Variants in TRAF6 observed in about 807,000 individuals in gnomAD.
TRAF6 encodes TNF receptor-associated factor 6.
In TRAF6, 10 loss-of-function variants were observed where a neutral mutation model predicts 48.4. The observed-to-expected ratio is 0.21, with a 90% CI of 0.13 to 0.35. The LOEUF (loss-of-function observed/expected upper bound fraction) is 0.35, where lower values mean the gene tolerates loss of function less well. TRAF6 is among the 10% of genes least tolerant of loss of function. TRAF6 has a pLI of 1.00. For synonymous variants in TRAF6, 186 were observed against 219.6 expected, an observed-to-expected ratio of 0.85 and a Z score of 1.35; for missense variants, 397 against 661.0, an observed-to-expected ratio of 0.60 and a Z score of 4.38.
chr11:36,507,659 ACACACGCGCG>A lies in TRAF6; in HGVS notation c.-23+2379_-23+2388del, dbSNP rs1859818782. ...CACGCGCGTGTATATATGTATACAT[ACACACGCGCG>A]TGTATATATGTATACATACACGAGC... On this transcript the variant is annotated intron_variant, in intron 1 of 6. Coordinates refer to ENST00000526995, the MANE Select transcript of TRAF6 (RefSeq NM_004620.4). Among the ~76,000 whole-genome samples, 2 of 1,930 alleles carry A rather than the reference ACACACGCGCG, an allele frequency of 1.0e-3. 1 individual carries two copies. Among genetic ancestry groups the A allele is most frequent in the Non-Finnish European group, 9.0e-3 (2 of 222 alleles). 1.3% of individuals were successfully genotyped at this position (1,930 alleles called of 152,430 possible).
Position 36,485,315 on chromosome 11 carries a change from G to A in TRAF6, c.*4523C>T, listed in dbSNP as rs528986057. ...GCTTTCAATAAATGTTCATTATTAC[G>A]TATTTGAGTGTGTGCAACGTGCCAG... On this transcript the variant is annotated 3_prime_UTR_variant, in exon 7 of 7. Transcript: ENST00000526995. Among the ~76,000 whole-genome samples, 1 of 152,226 alleles carries A rather than the reference G, an allele frequency of 6.6e-6. No homozygotes were observed. The highest frequency in any genetic ancestry group is 1.5e-5 in the Non-Finnish European group (1 of 68,022).
chr11:36,499,377 G>A (rs1354409413), intron 2 of TRAF6, among the ~76,000 whole-genome samples: 1 of 151,966 alleles, frequency 6.6e-6, no homozygotes, highest in Non-Finnish European at 1.5e-5. Context: ...GAACACTGGG[G>A]CTAAGTGTTC....
chr11:36,496,999 G>C (rs902276140), intron 4 of TRAF6, 109 bp downstream of exon 4: 2 of 1,148,422 alleles, frequency 1.7e-6, no homozygotes, highest in African/African-American at 3.2e-5. Context: ...TGATAATGTA[G>C]ACTCAGAGTC....
intron 5 of TRAF6, among the ~76,000 whole-genome samples, chr11:36,494,630 A>AATAT (rs5030467): frequency 2.1e-4 from 31 of 150,166 alleles, no homozygotes; most frequent in Middle Eastern, 6.8e-3. Context: ...ACAGTGTGTA[A>AATAT]ATATATATAT....
In TRAF6 at chr11:36,489,138, G is replaced by C. The variant is rs1331347492; in HGVS notation, c.*700C>G. On this transcript the variant is annotated 3_prime_UTR_variant, in exon 7 of 7. Transcript: ENST00000526995. ...TAAACTCTGGGGAAGATGCTACTTCGTAACCTCAAGGAAATAAGTAAGCAA... is the reference window on the plus strand; with the variant it reads ...TAAACTCTGGGGAAGATGCTACTTCCTAACCTCAAGGAAATAAGTAAGCAA... 1 of 152,364 alleles carries C rather than the reference G, an allele frequency of 6.6e-6. No individual in the cohort carries two copies. Among genetic ancestry groups the C allele is most frequent in the Non-Finnish European group, 1.5e-5 (1 of 68,068 alleles). 9.4% of individuals were successfully genotyped at this position (152,364 alleles called of 1,614,324 possible). A position where few individuals can be genotyped will look rare whatever the true frequency, so the allele number is the denominator to read the frequency against.
intron 1 of TRAF6, among the ~76,000 whole-genome samples, chr11:36,503,187 A>G (rs962646994): frequency 1.4e-4 from 21 of 152,224 alleles, no homozygotes; most frequent in African/African-American, 4.8e-4. Context: ...TTATTACACT[A>G]AAGTGCTGGC....
intron 1 of TRAF6, among the ~76,000 whole-genome samples, chr11:36,504,424 C>G (rs571501076): frequency 6.6e-6 from 1 of 152,302 alleles, no homozygotes; most frequent in South Asian, 2.1e-4. Flanking sequence ...GTTTGCTCAT[C>G]CATAAGAAGC....
chr11:36,505,337 T>A (rs1187078610), intron 1 of TRAF6, among the ~76,000 whole-genome samples: 1 of 152,250 alleles, frequency 6.6e-6, no homozygotes, highest in African/African-American at 2.4e-5. Flanking sequence ...GCTGTAGTTT[T>A]ACATCAACAC....
chr11:36,492,159 A>G (rs138151169), intron 6 of TRAF6, among the ~76,000 whole-genome samples: 44 of 152,210 alleles, frequency 2.9e-4, no homozygotes, highest in African/African-American at 9.6e-4. Flanking sequence ...TCACTTAGGT[A>G]TTCCAACAGC....
rs769883333 is a variant in TRAF6, at chr11:36,489,794, C to T, written c.*44G>A. ...TTATTGAGAACAGGGCAAGGAAAGG[C>T]ACTGTTTTCTCCAGGTAGTTGTTTT... On this transcript the variant is annotated 3_prime_UTR_variant, in exon 7 of 7. Coordinates refer to ENST00000526995, the MANE Select transcript of TRAF6 (RefSeq NM_004620.4). The T allele has an allele frequency of 5.8e-6, 9 of 1,563,290 alleles. No homozygotes were observed. In the South Asian group the frequency reaches 1.1e-4, roughly 19 times the overall value.
At chr11:36,505,891 C>A (rs1859778030) in intron 1 of TRAF6, among the ~76,000 whole-genome samples, 1 of 152,064 alleles carries the variant, frequency 6.6e-6, no homozygotes, top group African/African-American at 2.4e-5. Context: ...GTGGAGCAGT[C>A]AGAGCTCTCA....
intron 1 of TRAF6, among the ~76,000 whole-genome samples, chr11:36,502,089 G>T (rs1361806739): frequency 6.6e-6 from 1 of 152,204 alleles, no homozygotes; most frequent in Non-Finnish European, 1.5e-5. Context: ...CAGTACGCAA[G>T]GAATCAGGTG....
At position 36,484,016 on chromosome 11, in the gene TRAF6, C is replaced by T. The variant is rs1384720569; in HGVS notation, c.*5822G>A. ...CCTTTTTGAGATAAGTGTGAATCCA[C>T]ATTCACAACCTGGGTTGAGAAAGGT... On this transcript the variant is annotated 3_prime_UTR_variant, in exon 7 of 7. Transcript: ENST00000526995. Among the ~76,000 whole-genome samples, 1 of 152,210 alleles carries T rather than the reference C, an allele frequency of 6.6e-6. No individual in the cohort carries two copies. Among genetic ancestry groups the T allele is most frequent in the Non-Finnish European group, 1.5e-5 (1 of 68,042 alleles).
At chr11:36,505,598 T>C (rs1250746653) in intron 1 of TRAF6, among the ~76,000 whole-genome samples, 1 of 152,226 alleles carries the variant, frequency 6.6e-6, no homozygotes, top group Non-Finnish European at 1.5e-5. Context: ...TTTCACTTTC[T>C]TATTAGTGAG....
chr11:36,501,535 G>A lies in TRAF6; in HGVS notation c.-20C>T. On this transcript the variant is annotated splice_region_variant and 5_prime_UTR_variant, in exon 2 of 7. Transcript: ENST00000526995. ...ACTCATAGTAACTTGATTATCACTT[G>A]CTCTGTAGAAATAGCAAGAAAAAAA... 6.4e-7 allele frequency: 1 copy of A among 1,569,386 alleles called. No individual in the cohort carries two copies. Among genetic ancestry groups the A allele is most frequent in the Non-Finnish European group, 8.7e-7 (1 of 1,156,038 alleles).
rs1478203040 is a variant in TRAF6, at chr11:36,486,709, A to AT, written c.*3128dup. Among the ~76,000 whole-genome samples the AT allele has an allele frequency of 6.6e-5, 10 of 152,170 alleles. No individual in the cohort carries two copies. Among genetic ancestry groups the AT allele is most frequent in the African/African-American group, 2.2e-4 (9 of 41,384 alleles). On this transcript the variant is annotated 3_prime_UTR_variant, in exon 7 of 7. Coordinates refer to ENST00000526995, the MANE Select transcript of TRAF6 (RefSeq NM_004620.4). The stretch of plus-strand genomic sequence containing the variant: ...AATAAACAGTCTTTGCTGCCAATAG[A>AT]TAGTAATAAACTACCAAACTTCAAA...
At chr11:36,494,895 G>T in intron 5 of TRAF6, 81 bp downstream of exon 5, 2 of 1,012,608 alleles carry the variant, frequency 2.0e-6, no homozygotes, top group African/African-American at 1.6e-5. Flanking sequence ...TTGCCTTATT[G>T]ATTTAAATTT....
In TRAF6 at chr11:36,498,631, AC is replaced by A; in HGVS notation, c.305del (p.Gly102ValfsTer29). ...ACIIKSIRDA[G>X]HKCPVDNEIL... ...TTTCATTGTCAACTGGACATTTGTG[AC>A]CTGCATCCCTAACAGAAACAAAATA... On this transcript the variant is annotated frameshift_variant, in exon 3 of 7. Coordinates refer to ENST00000526995, the MANE Select transcript of TRAF6 (RefSeq NM_004620.4). LOFTEE classifies it high-confidence loss of function. The A allele has an allele frequency of 6.2e-7, 1 of 1,609,708 alleles. No individual in the cohort carries two copies. Among genetic ancestry groups the A allele is most frequent in the Non-Finnish European group, 8.5e-7 (1 of 1,178,766 alleles).
rs1002607223 is a variant in TRAF6 at position 36,486,548 on chromosome 11, A to G, written c.*3290T>C. Among the ~76,000 whole-genome samples the G allele has an allele frequency of 6.6e-5, 10 of 152,164 alleles. No individual in the cohort carries two copies. Among genetic ancestry groups the G allele is most frequent in the South Asian group, 4.1e-4 (2 of 4,832 alleles). On this transcript the variant is annotated 3_prime_UTR_variant, in exon 7 of 7. Transcript: ENST00000526995. ...CCTGTATAATTTTATATGGGTCACA[A>G]TAATTAACTGCTAGAGATCGTCCAG...
Sources: gnomAD v4.1 joint callset for allele counts (sites outside exome capture counted in the v4.1 genomes callset) on GRCh38, gnomAD v4.1.1 for gene constraint, MANE v1.5 for transcripts, NCBI Gene and HGNC (gene_info 2026-07-23, HGNC 2026-07-21) for gene names.